Variants in MYT1 observed in about 807,000 individuals in gnomAD.
MYT1 encodes myelin transcription factor I.
MYT1 carries 23 observed loss-of-function variants against 123.0 expected under a neutral mutation model. The ratio of observed to expected loss-of-function variants is 0.19; its 90% CI spans 0.13 to 0.26. The LOEUF is 0.26. Ranked by LOEUF, MYT1 falls within the 10% of genes least tolerant of loss-of-function variation. The probability of loss-of-function intolerance (pLI) is 1.00; values close to 1 mark genes in which losing one functional copy is unlikely to be tolerated. For missense variants in MYT1, 1,125 were observed against 1,472.5 expected (o/e 0.76, Z 3.86); for synonymous variants, 518 against 575.3 (o/e 0.90, Z 1.43).
At chr20:64,214,123 A>C (rs1295404751) in intron 10 of MYT1, among the ~76,000 whole-genome samples, 1 of 152,212 alleles carries the variant, frequency 6.6e-6, no homozygotes, top group East Asian at 1.9e-4. Context: ...ATAGACCCCA[A>C]GTCAAGGAAG....
At chr20:64,206,261 G>A (rs959155321) in intron 6 of MYT1, among the ~76,000 whole-genome samples, 2 of 152,150 alleles carry the variant, frequency 1.3e-5, no homozygotes, top group Admixed American at 6.5e-5. Context: ...GGCAGATGCT[G>A]AGGAAACACC....
At chr20:64,227,665 C>G (rs1158777683) in intron 17 of MYT1, among the ~76,000 whole-genome samples, 188 bp downstream of exon 17, 1 of 152,190 alleles carries the variant, frequency 6.6e-6, no homozygotes, top group Non-Finnish European at 1.5e-5. Flanking sequence ...GACAAGGGGT[C>G]AGGGCTAGGG....
intron 19 of MYT1, among the ~76,000 whole-genome samples, chr20:64,235,647 G>C: frequency 6.9e-6 from 1 of 145,542 alleles, no homozygotes; most frequent in African/African-American, 2.6e-5. Context: ...TGGCCGTGGT[G>C]GGTGACCCTG....
intron 19 of MYT1, among the ~76,000 whole-genome samples, chr20:64,234,757 G>A (rs1416526776): frequency 1.3e-5 from 2 of 148,422 alleles, no homozygotes; most frequent in Non-Finnish European, 3.0e-5. Context: ...GTGACCCGGG[G>A]CTGGCCGTGG....
At chr20:64,201,551 A>T (rs1356345537) in intron 4 of MYT1, among the ~76,000 whole-genome samples, 1 of 152,228 alleles carries the variant, frequency 6.6e-6, no homozygotes, top group African/African-American at 2.4e-5. Context: ...GGTACCATTC[A>T]TTCCTGTATT....
chr20:64,182,447 T>C (rs2145697756), intron 1 of MYT1, among the ~76,000 whole-genome samples: 1 of 152,350 alleles, frequency 6.6e-6, no homozygotes, highest in South Asian at 2.1e-4. Context: ...CATCCTGACA[T>C]AGCACTGGCC....
chr20:64,200,450 C>G (rs1983262330), intron 4 of MYT1, among the ~76,000 whole-genome samples: 1 of 152,224 alleles, frequency 6.6e-6, no homozygotes, highest in Admixed American at 6.5e-5. Context: ...GACCATCTTA[C>G]TGTTCAGCAT....
At chr20:64,170,929 A>ACGGAGT (rs1448128807) in intron 1 of MYT1, among the ~76,000 whole-genome samples, 1 of 135,630 alleles carries the variant, frequency 7.4e-6, no homozygotes, top group Non-Finnish European at 1.6e-5. Flanking sequence ...AGAGAGAGAG[A>ACGGAGT]GAGAGACGGA....
chr20:64,213,670 C>A lies in MYT1; in HGVS notation c.1631+23C>A. ...CAGGTGAGTGAGATGAGCCACAGAA[C>A]TGAAGAGGCTGCCTCCCAAATGCCT... On this transcript the variant is annotated intron_variant, in intron 10 of 22. Coordinates refer to ENST00000328439, the MANE Select transcript of MYT1 (RefSeq NM_004535.3). This position sits in a 1 kb window ranked among gnomAD's most constrained non-coding sequence, Gnocchi z 5.6. The A allele has an allele frequency of 6.3e-7, 1 of 1,595,020 alleles. No individual in the cohort carries two copies. The highest frequency in any genetic ancestry group is 8.6e-7 in the Non-Finnish European group (1 of 1,163,680).
At position 64,202,833 on chromosome 20, in the gene MYT1, G is replaced by A. The variant is rs1983365489; in HGVS notation, c.87-2202G>A. On this transcript the variant is annotated intron_variant, in intron 4 of 22. Transcript: ENST00000328439. The surrounding 1 kb of genome is among the most constrained non-coding windows in gnomAD (Gnocchi z 5.0). ...CTGACACCAGCCCTAGTCAGAGCTG[G>A]GGAGTCAAGGCTGGGGAATTCCCTC... 6.6e-6 allele frequency among the ~76,000 whole-genome samples: 1 copy of A among 152,198 alleles called. No individual in the cohort carries two copies. Among genetic ancestry groups the A allele is most frequent in the African/African-American group, 2.4e-5 (1 of 41,446 alleles).
chr20:64,208,544 T>C lies in MYT1; in HGVS notation c.1291+57T>C, dbSNP rs184899693. On this transcript the variant is annotated intron_variant, in intron 7 of 22. Coordinates refer to ENST00000328439, the MANE Select transcript of MYT1 (RefSeq NM_004535.3). This position sits in a 1 kb window ranked among gnomAD's most constrained non-coding sequence, Gnocchi z 5.4. ...CTCATCCTTTCACCCCTGCCCCAGG[T>C]GTGCAGATGCAGGCTGAGAGCCCTT... The C allele has an allele frequency of 3.8e-5, 58 of 1,522,740 alleles. 1 individual carries two copies. The Admixed American group carries it at 9.5e-4, about 25-fold the overall frequency. The allele number at this position is 1,522,740 out of a possible 1,614,324, so 94.3% of individuals were successfully genotyped here.
Position 64,218,958 on chromosome 20 carries a change from G to A in MYT1, c.1894G>A (p.Ala632Thr), listed in dbSNP as rs762656683. 2 of 1,613,674 alleles carry A rather than the reference G, an allele frequency of 1.2e-6. No individual in the cohort carries two copies. Among genetic ancestry groups the A allele is most frequent in the Non-Finnish European group, 1.7e-6 (2 of 1,180,052 alleles). ...CGAGGCTGCACACATGGCTGCCACT[G>A]CCATCCTGAACCTCTCCACGCGCTG... ...DAEAAHMAAT[A>T]ILNLSTRCWE... Residue 632 changes from alanine to threonine, a missense_variant, in exon 12 of 23, where the codon GCC (alanine) becomes ACC (threonine). Coordinates refer to ENST00000328439, the MANE Select transcript of MYT1 (RefSeq NM_004535.3). The surrounding 1 kb of genome is among the most constrained non-coding windows in gnomAD (Gnocchi z 4.0).
chr20:64,223,213 G>C, intron 15 of MYT1, 40 bp downstream of exon 15: 1 of 1,613,906 alleles, frequency 6.2e-7, no homozygotes, highest in South Asian at 1.1e-5. Flanking sequence ...TGGGTGCTTC[G>C]TGGTGGGTCT....
intron 1 of MYT1, among the ~76,000 whole-genome samples, chr20:64,169,656 T>A (rs1372018012): frequency 6.6e-6 from 1 of 152,182 alleles, no homozygotes; most frequent in Non-Finnish European, 1.5e-5. Context: ...CACCCTGCCC[T>A]TACCAAAGTT....
chr20:64,220,665 G>A (rs919874398), intron 13 of MYT1, among the ~76,000 whole-genome samples: 23 of 152,378 alleles, frequency 1.5e-4, no homozygotes, highest in African/African-American at 4.8e-4. Flanking sequence ...GGCAGCAGCC[G>A]CGTGTGTGAG....
At chr20:64,171,226 C>T (rs992793637) in intron 1 of MYT1, among the ~76,000 whole-genome samples, 6 of 152,034 alleles carry the variant, frequency 3.9e-5, no homozygotes, top group African/African-American at 7.2e-5. Flanking sequence ...GCCAAATTTA[C>T]CCAATTTTTA....
chr20:64,198,055 A>G (rs351883), intron 2 of MYT1, among the ~76,000 whole-genome samples: 97,631 of 151,804 alleles, frequency 0.64, 34,234 homozygotes, highest in African/African-American at 0.91. Context: ...GGAGGCCGAG[A>G]CGGGCGGATC....
chr20:64,195,509 C>T lies in MYT1; in HGVS notation c.1-3353C>T, dbSNP rs112216803. Among the ~76,000 whole-genome samples, 5 of 151,684 alleles carry T rather than the reference C, an allele frequency of 3.3e-5. 1 individual carries two copies. The highest frequency in any genetic ancestry group is 1.2e-4 in the African/African-American group (5 of 41,326). ...CTCCTGGGTTCAAGTGATCCTCCTG[C>T]CTCAGCCTCCCAAGTAGCTGAGACT... On this transcript the variant is annotated intron_variant, in intron 2 of 22. Coordinates refer to ENST00000328439, the MANE Select transcript of MYT1 (RefSeq NM_004535.3).
At chr20:64,177,197 A>G (rs1365685586) in intron 1 of MYT1, among the ~76,000 whole-genome samples, 1 of 152,164 alleles carries the variant, frequency 6.6e-6, no homozygotes, top group African/African-American at 2.4e-5. Context: ...TATTGAATAG[A>G]GAAAGTACCA....
Sources: allele counts gnomAD v4.1 joint callset (sites outside exome capture counted in the v4.1 genomes callset), GRCh38; gene constraint gnomAD v4.1.1; non-coding constraint Gnocchi (gnomAD v3.1); transcripts MANE v1.5; gene names NCBI Gene and HGNC (gene_info 2026-07-23, HGNC 2026-07-21).